The following CARS1 variants were observed in gnomAD, a reference collection of about 807,000 sequenced individuals.
CARS1 encodes the protein cysteinyl-tRNA synthetase 1.
A neutral mutation model predicts 106.2 loss-of-function variants in CARS1; 48 were observed. The observed-to-expected ratio is 0.45, with a 90% CI of 0.36 to 0.57. The LOEUF (loss-of-function observed/expected upper bound fraction) is 0.57. Among genes scored for constraint, CARS1 ranks in the 20% least tolerant of loss-of-function variants. The pLI is 0.00. For missense variants in CARS1, 968 were observed against 1,057.2 expected (o/e 0.92, Z 1.17); for synonymous variants, 409 against 403.4 (o/e 1.01, Z -0.17).
At chr11:3,006,303 G>A (rs755371698) in intron 19 of CARS1, among the ~76,000 whole-genome samples, 8 of 152,092 alleles carry the variant, frequency 5.3e-5, no homozygotes, top group African/African-American at 1.9e-4. Context: ...AAAATTAGCC[G>A]AGCGTGGTGA....
rs565082827 is a variant in CARS1 at position 3,054,937 on chromosome 11, C to G, written c.25+2406G>C. On this transcript the variant is annotated intron_variant, in intron 1 of 22. Transcript: ENST00000380525. ...GTGCGGAAAGGCCCTGAGGTAGGCTCCATCTACCCCAGAAACCTCAGAAAT... is the reference window on the plus strand; with the variant it reads ...GTGCGGAAAGGCCCTGAGGTAGGCTGCATCTACCCCAGAAACCTCAGAAAT... 1.7e-4 allele frequency: 119 copies of G among 702,492 alleles called. 1 individual carries two copies. Among genetic ancestry groups the G allele is most frequent in the Middle Eastern group, 6.8e-4 (3 of 4,390 alleles). The allele number at this position is 702,492 out of a possible 1,614,324, so 43.5% of individuals were successfully genotyped here.
rs1433969952 is a variant in CARS1, at chr11:3,003,722, G to C, written c.2218-1122C>G. Among the ~76,000 whole-genome samples the C allele has an allele frequency of 3.3e-5, 5 of 152,292 alleles. No homozygotes were observed. The East Asian group carries it at 9.7e-4, about 29-fold the overall frequency. On this transcript the variant is annotated intron_variant, in intron 20 of 22. Transcript: ENST00000380525. The surrounding 1 kb of genome is among the most constrained non-coding windows in gnomAD (Gnocchi z 4.8). ...GGAGGAGCTGGGCACTGAGCTTGGA[G>C]GAACCAGAGACACAGTGCTCAGGAT...
intron 17 of CARS1, among the ~76,000 whole-genome samples, chr11:3,013,775 C>G (rs983670612): frequency 3.3e-4 from 50 of 152,098 alleles, no homozygotes; most frequent in African/African-American, 1.0e-3. Context: ...ATCACTTGAA[C>G]TCGGGAGGCA....
At chr11:3,047,709 G>C (rs1473730599) in intron 2 of CARS1, 44 bp downstream of exon 2, 1 of 1,571,006 alleles carries the variant, frequency 6.4e-7, no homozygotes, top group Non-Finnish European at 8.7e-7. Context: ...CCTTGACCTT[G>C]GGAGAGAGGT....
At position 3,020,363 on chromosome 11, in the gene CARS1, A is replaced by C. The variant is rs747730433; in HGVS notation, c.1154-31T>G. ...AACACGAGGGACGCCAGGCAAGGTC[A>C]CTCAGCAGCACCCACAGACCCACAT... On this transcript the variant is annotated intron_variant, in intron 10 of 22. Transcript: ENST00000380525. This position sits in a 1 kb window ranked among gnomAD's most constrained non-coding sequence, Gnocchi z 4.6. 5 of 1,357,446 alleles carry C rather than the reference A, an allele frequency of 3.7e-6. No individual in the cohort carries two copies. Among genetic ancestry groups the C allele is most frequent in the South Asian group, 2.3e-5 (2 of 85,916 alleles). 84.1% of individuals were successfully genotyped at this position (1,357,446 alleles called of 1,614,324 possible). A position where few individuals can be genotyped will look rare whatever the true frequency, so the allele number is the denominator to read the frequency against.
Position 3,017,358 on chromosome 11 carries a change from T to G in CARS1, c.1728-63A>C, listed in dbSNP as rs1307479353. ...GAAAACACACCATAGAAATTCCCCA[T>G]GTGGCCAGGCGCAGTGGCTCACGCC... On this transcript the variant is annotated intron_variant, in intron 15 of 22. Coordinates refer to ENST00000380525, the MANE Select transcript of CARS1 (RefSeq NM_001014437.3). This position sits in a 1 kb window ranked among gnomAD's most constrained non-coding sequence, Gnocchi z 4.9. 6.7e-7 allele frequency: 1 copy of G among 1,484,878 alleles called. No homozygotes were observed. Among genetic ancestry groups the G allele is most frequent in the East Asian group, 2.3e-5 (1 of 43,980 alleles). 92.0% of individuals were successfully genotyped at this position (1,484,878 alleles called of 1,614,324 possible).
chr11:3,018,347 A>G, intron 14 of CARS1, 61 bp downstream of exon 14: 2 of 1,094,774 alleles, frequency 1.8e-6, no homozygotes, highest in Admixed American at 3.8e-5. Context: ...CCACTGCACA[A>G]GGTGCCCACT....
intron 10 of CARS1, 32 bp downstream of exon 10, chr11:3,026,644 A>G: frequency 6.8e-6 from 11 of 1,609,914 alleles, no homozygotes; most frequent in Non-Finnish European, 9.3e-6. Flanking sequence ...CAGGAGGGAG[A>G]GCCCACATGC....
At chr11:3,010,400 C>T (rs970589298) in intron 18 of CARS1, among the ~76,000 whole-genome samples, 1 of 152,254 alleles carries the variant, frequency 6.6e-6, no homozygotes, top group Non-Finnish European at 1.5e-5. Flanking sequence ...CCAGCGATGC[C>T]GCTAAGTTAG....
At position 3,029,049 on chromosome 11, in the gene CARS1, C is replaced by T; in HGVS notation, c.978G>A (p.Glu326=). Residue 326 remains glutamate (E), a synonymous_variant, in exon 9 of 23, where the codon GAG becomes GAA. Transcript: ENST00000380525. This position sits in a 1 kb window ranked among gnomAD's most constrained non-coding sequence, Gnocchi z 5.9. ...CAAAGTTCACAATTTCTGGCACATACTCACTAACCCGGGTTAAGACATCTG... is the reference window on the plus strand; with the variant it reads ...CAAAGTTCACAATTTCTGGCACATATTCACTAACCCGGGTTAAGACATCTG... ...LPPDVLTRVS[E]YVPEIVNFVQ... 6.2e-7 allele frequency: 1 copy of T among 1,613,980 alleles called. No homozygotes were observed. The highest frequency in any genetic ancestry group is 8.5e-7 in the Non-Finnish European group (1 of 1,179,842).
In CARS1 at chr11:3,029,255, A is replaced by G. The variant is rs747485131; in HGVS notation, c.942+48T>C. 9.4e-6 allele frequency: 15 copies of G among 1,592,718 alleles called. 1 individual carries two copies. In the South Asian group the frequency reaches 1.7e-4, roughly 18 times the overall value. The stretch of plus-strand genomic sequence containing the variant: ...TTGCCAAAACAGGAATTTAGAAATC[A>G]GGGCCCTTAGCGCAAGAGAGCCAGC... On this transcript the variant is annotated intron_variant, in intron 8 of 22. Coordinates refer to ENST00000380525, the MANE Select transcript of CARS1 (RefSeq NM_001014437.3). The surrounding 1 kb of genome is among the most constrained non-coding windows in gnomAD (Gnocchi z 5.9).
chr11:3,054,049 C>T (rs149678444), intron 1 of CARS1, among the ~76,000 whole-genome samples: 1 of 152,248 alleles, frequency 6.6e-6, no homozygotes, highest in Non-Finnish European at 1.5e-5. Flanking sequence ...GGAAAAAGCC[C>T]CCAGACATGA....
chr11:3,032,184 T>G (rs1170265918), intron 7 of CARS1, among the ~76,000 whole-genome samples: 1 of 151,610 alleles, frequency 6.6e-6, no homozygotes, highest in Admixed American at 6.6e-5. Context: ...GCAATTCTCC[T>G]GCCTCAGCCT....
At position 3,004,756 on chromosome 11, in the gene CARS1, A is replaced by G. The variant is rs983460208; in HGVS notation, c.2217+610T>C. Among the ~76,000 whole-genome samples, 1 of 152,108 alleles carries G rather than the reference A, an allele frequency of 6.6e-6. No homozygotes were observed. The highest frequency in any genetic ancestry group is 1.5e-5 in the Non-Finnish European group (1 of 68,022). On this transcript the variant is annotated intron_variant, in intron 20 of 22. Transcript: ENST00000380525. The surrounding 1 kb of genome is among the most constrained non-coding windows in gnomAD (Gnocchi z 5.2). ...GGAGTATGCTGGGAATAGGAGGTGG[A>G]GATGCATCAGTGACACGCGCCACTC...
Position 3,039,582 on chromosome 11 carries a change from C to T in CARS1, c.552+253G>A, listed in dbSNP as rs1854155251. The stretch of plus-strand genomic sequence containing the variant: ...TGTCGAAGTGCGTGCTGTGGGAGGC[C>T]TTCCTTCTGCAAAACACCCAGGGCT... On this transcript the variant is annotated intron_variant, in intron 5 of 22. Coordinates refer to ENST00000380525, the MANE Select transcript of CARS1 (RefSeq NM_001014437.3). This position sits in a 1 kb window ranked among gnomAD's most constrained non-coding sequence, Gnocchi z 5.6. Among the ~76,000 whole-genome samples the T allele has an allele frequency of 6.6e-6, 1 of 152,188 alleles. No homozygotes were observed. The highest frequency in any genetic ancestry group is 1.5e-5 in the Non-Finnish European group (1 of 68,030).
rs371175506 is a variant in CARS1 at position 3,041,301 on chromosome 11, T to C, written c.367-317A>G. On this transcript the variant is annotated intron_variant, in intron 3 of 22. Coordinates refer to ENST00000380525, the MANE Select transcript of CARS1 (RefSeq NM_001014437.3). The surrounding 1 kb of genome is among the most constrained non-coding windows in gnomAD (Gnocchi z 4.9). Reference sequence around the variant, plus strand: ...GCTGCTTATTTAACAATAACACAGCTAATATTTACTGAGTACCTACCATGT... The same window carrying C: ...GCTGCTTATTTAACAATAACACAGCCAATATTTACTGAGTACCTACCATGT... The C allele has an allele frequency of 1.9e-5, 7 of 368,954 alleles. No homozygotes were observed. The Admixed American group carries it at 2.2e-4, about 11-fold the overall frequency. 22.9% of individuals were successfully genotyped at this position (368,954 alleles called of 1,614,324 possible).
intron 2 of CARS1, 200 bp from the exon 3 acceptor site, chr11:3,042,456 GCT>G (rs980626601): frequency 1.5e-5 from 8 of 551,314 alleles, no homozygotes; most frequent in African/African-American, 1.2e-4. Context: ...ACGGAGTCTC[GCT>G]CTGTCGCCCA....
At chr11:3,012,317 A>G (rs200596753) in intron 17 of CARS1, 41 bp from the exon 18 acceptor site, 107 of 1,538,836 alleles carry the variant, frequency 7.0e-5, no homozygotes, top group Non-Finnish European at 9.3e-5. Flanking sequence ...AGCTGCTCAC[A>G]CTCCCATATT....
rs1022877586 is a variant in CARS1, at chr11:3,029,572, G to T, written c.802-129C>A. On this transcript the variant is annotated intron_variant, in intron 7 of 22. Transcript: ENST00000380525. The surrounding 1 kb of genome is among the most constrained non-coding windows in gnomAD (Gnocchi z 5.9). ...TGACCTTGACCTGTGAAGAGCCACCGTCTCCTAGGGAGACTGTGATGCTTA... is the reference window on the plus strand; with the variant it reads ...TGACCTTGACCTGTGAAGAGCCACCTTCTCCTAGGGAGACTGTGATGCTTA... 1 of 906,600 alleles carries T rather than the reference G, an allele frequency of 1.1e-6. No homozygotes were observed. 56.2% of individuals were successfully genotyped at this position (906,600 alleles called of 1,614,324 possible).
Sources: gnomAD v4.1 joint callset for allele counts (sites outside exome capture counted in the v4.1 genomes callset) on GRCh38, gnomAD v4.1.1 for gene constraint, Gnocchi (gnomAD v3.1) non-coding constraint, MANE v1.5 for transcripts, NCBI Gene and HGNC (gene_info 2026-07-23, HGNC 2026-07-21) for gene names.